ITGA11: variants seen among roughly 807,000 people sequenced by gnomAD.
ITGA11 encodes integrin subunit alpha 11.
In ITGA11, 97 loss-of-function variants were observed where a neutral mutation model predicts 141.9. The ratio of observed to expected loss-of-function variants is 0.68; its 90% CI spans 0.58 to 0.81. ITGA11 has a LOEUF of 0.81. Ranked by LOEUF, ITGA11 falls within the 30% of genes least tolerant of loss-of-function variation. The pLI, the probability that ITGA11 is intolerant of heterozygous loss-of-function variation, is 0.00. For synonymous variants in ITGA11, 658 were observed against 624.6 expected, an observed-to-expected ratio of 1.05 and a Z score of -0.80; for missense variants, 1,387 against 1,559.2, an observed-to-expected ratio of 0.89 and a Z score of 1.86.
At chr15:68,372,100 C>T (rs537715787) in intron 2 of ITGA11, among the ~76,000 whole-genome samples, 58 of 152,190 alleles carry the variant, frequency 3.8e-4, no homozygotes, top group Non-Finnish European at 6.9e-4. Context: ...TGGAGTTCTC[C>T]TGGGACAGCT....
At chr15:68,346,640 C>T (rs1242370323) in intron 10 of ITGA11, among the ~76,000 whole-genome samples, 1 of 152,168 alleles carries the variant, frequency 6.6e-6, no homozygotes, top group Non-Finnish European at 1.5e-5. Context: ...CCAGGGCTGA[C>T]CTCTGAGCTG....
chr15:68,316,266 T>G (rs1259143468), intron 21 of ITGA11, among the ~76,000 whole-genome samples: 1 of 152,236 alleles, frequency 6.6e-6, no homozygotes, highest in Non-Finnish European at 1.5e-5. Context: ...TGGCAGCGCT[T>G]CTGCCACACT....
chr15:68,364,131 CTG>C (rs1343291844), intron 4 of ITGA11, among the ~76,000 whole-genome samples: 1 of 152,212 alleles, frequency 6.6e-6, no homozygotes, highest in East Asian at 1.9e-4. Context: ...TTGCGAAGGC[CTG>C]TCTCTTCTTT....
chr15:68,405,268 G>T (rs1896621693), intron 1 of ITGA11, among the ~76,000 whole-genome samples: 1 of 144,658 alleles, frequency 6.9e-6, no homozygotes, highest in African/African-American at 2.6e-5. Context: ...TTCAAGTAGG[G>T]ATATTAGATA....
At chr15:68,318,037 A>G (rs767928271) in intron 20 of ITGA11, among the ~76,000 whole-genome samples, 6 of 152,204 alleles carry the variant, frequency 3.9e-5, no homozygotes, top group African/African-American at 7.2e-5. Context: ...AGACTAACAC[A>G]TCTGCATTTG....
At chr15:68,356,726 G>T (rs1253570325) in intron 7 of ITGA11, among the ~76,000 whole-genome samples, 3 of 152,274 alleles carry the variant, frequency 2.0e-5, no homozygotes, top group African/African-American at 7.2e-5. Flanking sequence ...GTCATATTCT[G>T]GGACTTCGAG....
intron 10 of ITGA11, among the ~76,000 whole-genome samples, 172 bp from the exon 11 acceptor site, chr15:68,339,816 C>A (rs1222574378): frequency 6.6e-6 from 1 of 152,144 alleles, no homozygotes; most frequent in Non-Finnish European, 1.5e-5. Context: ...TTTGAATAAG[C>A]CAAGGAGACT....
Position 68,312,826 on chromosome 15 carries a change from T to C in ITGA11, c.2920A>G (p.Ser974Gly), listed in dbSNP as rs1461633393. The C allele has an allele frequency of 6.2e-7, 1 of 1,613,884 alleles. No individual in the cohort carries two copies. The highest frequency in any genetic ancestry group is 8.5e-7 in the Non-Finnish European group (1 of 1,179,818). Residue 974 changes from serine (S) to glycine (G), a missense_variant, in exon 24 of 30, where the codon AGC (serine) becomes GGC (glycine). Ser to Gly is a moderately conservative substitution (Grantham distance 56). Coordinates refer to ENST00000315757, the MANE Select transcript of ITGA11 (RefSeq NM_001004439.2). ...ATACCATCGTATCTCTCCAGCGAGC[T>C]GTTGGGCTTGACCTCGTAGTGGCTC... ...SLSHYEVKPNSSLERYDGIGP... is the reference protein window; with the variant it reads ...SLSHYEVKPNGSLERYDGIGP...
At chr15:68,406,206 C>G (rs914685220) in intron 1 of ITGA11, among the ~76,000 whole-genome samples, 1 of 152,184 alleles carries the variant, frequency 6.6e-6, no homozygotes, top group Non-Finnish European at 1.5e-5. Flanking sequence ...AGGGACCCTT[C>G]CAAGACCTGT....
intron 14 of ITGA11, 38 bp downstream of exon 14, chr15:68,331,821 C>A (rs374603892): frequency 6.5e-7 from 1 of 1,539,112 alleles, no homozygotes; most frequent in African/African-American, 1.4e-5. Flanking sequence ...ACTCCTGCAG[C>A]CCCATTTGCT....
At chr15:68,315,557 C>A (rs968036850) in intron 22 of ITGA11, 94 bp downstream of exon 22, 13 of 1,042,322 alleles carry the variant, frequency 1.2e-5, no homozygotes, top group East Asian at 1.0e-4. Context: ...CGTGGGGCAG[C>A]GGACTCAGTG....
intron 11 of ITGA11, among the ~76,000 whole-genome samples, chr15:68,337,273 C>A (rs1894391134): frequency 6.6e-6 from 1 of 152,152 alleles, no homozygotes; most frequent in African/African-American, 2.4e-5. Context: ...CCTTTGGTAC[C>A]CAGGCAACTC....
intron 10 of ITGA11, 48 bp downstream of exon 10, chr15:68,348,782 C>T (rs1443634058): frequency 2.2e-5 from 33 of 1,513,354 alleles, no homozygotes; most frequent in Middle Eastern, 1.7e-4. Context: ...AAGAGCATGC[C>T]CTCGAGAGAC....
At chr15:68,340,548 C>T (rs1463718764) in intron 10 of ITGA11, among the ~76,000 whole-genome samples, 2 of 152,126 alleles carry the variant, frequency 1.3e-5, no homozygotes, top group Non-Finnish European at 2.9e-5. Flanking sequence ...CCAGGGCCAC[C>T]TCCATGACAG....
At chr15:68,342,032 G>A (rs1236657362) in intron 10 of ITGA11, among the ~76,000 whole-genome samples, 1 of 152,226 alleles carries the variant, frequency 6.6e-6, no homozygotes, top group East Asian at 1.9e-4. Context: ...AGTCTTCTGA[G>A]GATGGGGACA....
intron 3 of ITGA11, among the ~76,000 whole-genome samples, chr15:68,367,095 G>A (rs1191955364): frequency 1.3e-5 from 2 of 152,128 alleles, no homozygotes; most frequent in Non-Finnish European, 2.9e-5. Context: ...CACCTCAAAT[G>A]AAGAGTAATT....
At chr15:68,320,539 T>G in intron 19 of ITGA11, 147 bp from the exon 20 acceptor site, 2 of 637,584 alleles carry the variant, frequency 3.1e-6, no homozygotes, top group South Asian at 3.9e-5. Flanking sequence ...AGAGTGGAAA[T>G]GGATGGCAGG....
chr15:68,357,387 G>C (rs1320868635), intron 6 of ITGA11, 88 bp from the exon 7 acceptor site: 3 of 1,489,724 alleles, frequency 2.0e-6, no homozygotes, highest in African/African-American at 1.4e-5. Context: ...CCCGGGAGTT[G>C]TCTCTGTGTG....
chr15:68,312,808 C>T lies in ITGA11; in HGVS notation c.2938G>A (p.Asp980Asn). The T allele has an allele frequency of 3.1e-6, 5 of 1,613,716 alleles. No individual in the cohort carries two copies. The highest frequency in any genetic ancestry group is 4.2e-6 in the Non-Finnish European group (5 of 1,179,746). ...CAGCTGAAGGGAGGCCCGATACCAT[C>T]GTATCTCTCCAGCGAGCTGTTGGGC... Reference protein sequence around the residue: ...VKPNSSLERYDGIGPPFSCIF... With the variant: ...VKPNSSLERYNGIGPPFSCIF... Residue 980 changes from aspartate (D) to asparagine (N), a missense_variant, in exon 24 of 30, where the codon GAT (aspartate) becomes AAT (asparagine). Transcript: ENST00000315757.
Sources: allele counts gnomAD v4.1 joint callset (sites outside exome capture counted in the v4.1 genomes callset), GRCh38; gene constraint gnomAD v4.1.1; transcripts MANE v1.5; gene names NCBI Gene and HGNC (gene_info 2026-07-23, HGNC 2026-07-21).